The following PLA2G6 variants were observed in gnomAD, a reference collection of about 807,000 sequenced individuals.
PLA2G6 encodes the protein 85/88 kDa calcium-independent phospholipase A2.
Under a neutral mutation model 83.8 loss-of-function variants are expected in PLA2G6, and 62 were observed. The observed-to-expected ratio is 0.74, with a 90% confidence interval of 0.60 to 0.91. The LOEUF is 0.91. PLA2G6 is among the 40% of genes least tolerant of loss of function. The probability of loss-of-function intolerance (pLI) is 0.00; values close to 1 mark genes in which losing one functional copy is unlikely to be tolerated. For synonymous variants in PLA2G6, 417 were observed against 449.8 expected (o/e 0.93, Z 0.92); for missense variants, 944 against 1,102.0 (o/e 0.86, Z 2.03).
intron 15 of PLA2G6, chr22:38,112,974 A>C (rs2086974675): frequency 5.4e-6 from 2 of 370,086 alleles, no homozygotes; most frequent in Non-Finnish European, 1.0e-5. Context: ...TGGCATGATC[A>C]CAGCTCACTG....
At chr22:38,163,696 G>A (rs1326174190) in intron 2 of PLA2G6, 4 of 169,484 alleles carry the variant, frequency 2.4e-5, no homozygotes, top group East Asian at 1.9e-4. Flanking sequence ...CAAAGAGGCC[G>A]TGTCGGGGAC....
At position 38,133,286 on chromosome 22, in the gene PLA2G6, C is replaced by T. The variant is rs578098368; in HGVS notation, c.895-273G>A. 88 of 549,568 alleles carry T rather than the reference C, an allele frequency of 1.6e-4. No individual in the cohort carries two copies. In the East Asian group the frequency reaches 2.6e-3, roughly 16 times the overall value. The allele number at this position is 549,568 out of a possible 1,614,324, so 34.0% of individuals were successfully genotyped here. Reference sequence around the variant, plus strand: ...CCTTTCCTAGTGCCAACAGAACCCACTCTCCTTGCAAAGGCTCCTCTGGGG... The same window carrying T: ...CCTTTCCTAGTGCCAACAGAACCCATTCTCCTTGCAAAGGCTCCTCTGGGG... On this transcript the variant is annotated intron_variant, in intron 6 of 16. Coordinates refer to ENST00000332509, the MANE Select transcript of PLA2G6 (RefSeq NM_003560.4).
intron 1 of PLA2G6, among the ~76,000 whole-genome samples, chr22:38,172,775 C>G (rs2090484710): frequency 6.6e-6 from 1 of 152,214 alleles, no homozygotes; most frequent in Admixed American, 6.5e-5. Context: ...AGAAAGTCAC[C>G]AGGGGTGCAG....
chr22:38,154,595 G>C (rs1039967892), intron 2 of PLA2G6, among the ~76,000 whole-genome samples: 3 of 152,226 alleles, frequency 2.0e-5, no homozygotes, highest in Admixed American at 6.5e-5. Flanking sequence ...CAAAAACTTA[G>C]ATCACAATAC....
intron 11 of PLA2G6, among the ~76,000 whole-genome samples, chr22:38,121,607 C>G (rs376920767): frequency 4.9e-4 from 74 of 152,234 alleles, no homozygotes; most frequent in Admixed American, 8.5e-4. Flanking sequence ...AGTGAGTTCC[C>G]CAGGGCCAGG....
In PLA2G6 at chr22:38,132,528, G is replaced by A. The variant is rs1172654634; in HGVS notation, c.1077+303C>T. The A allele has an allele frequency of 1.4e-5, 7 of 512,520 alleles. No individual in the cohort carries two copies. Among genetic ancestry groups the A allele is most frequent in the Non-Finnish European group, 2.1e-5 (6 of 284,076 alleles). The allele number at this position is 512,520 out of a possible 1,614,324, so 31.7% of individuals were successfully genotyped here. A position where few individuals can be genotyped will look rare whatever the true frequency, so the allele number is the denominator to read the frequency against. On this transcript the variant is annotated intron_variant, in intron 7 of 16. Transcript: ENST00000332509. This position sits in a 1 kb window ranked among gnomAD's most constrained non-coding sequence, Gnocchi z 5.0. Reference sequence around the variant, plus strand: ...TCGAGGCTGACAGGTGACATGGCTTGCTCAGGGCCAGTCTATGGCCAGAGC... The same window carrying A: ...TCGAGGCTGACAGGTGACATGGCTTACTCAGGGCCAGTCTATGGCCAGAGC...
chr22:38,112,773 T>A, intron 15 of PLA2G6, 196 bp from the exon 16 acceptor site: 1 of 635,474 alleles, frequency 1.6e-6, no homozygotes. Context: ...AGCTGTGCAA[T>A]CAGAGGGGCA....
At chr22:38,114,315 G>A (rs1362861392) in intron 14 of PLA2G6, among the ~76,000 whole-genome samples, 1 of 152,074 alleles carries the variant, frequency 6.6e-6, no homozygotes, top group African/African-American at 2.4e-5. Context: ...CGAGTAGCTG[G>A]GACTACAGGC....
intron 2 of PLA2G6, among the ~76,000 whole-genome samples, chr22:38,168,677 C>T (rs1197549129): frequency 2.6e-5 from 4 of 152,166 alleles, no homozygotes; most frequent in Non-Finnish European, 5.9e-5. Context: ...TGATGAAACC[C>T]CGTCTCTGCT....
chr22:38,148,511 G>A (rs1387666615), intron 2 of PLA2G6: 2 of 717,068 alleles, frequency 2.8e-6, no homozygotes, highest in Non-Finnish European at 5.2e-6. Flanking sequence ...AAGGAATGAT[G>A]GAAACCCAGG....
chr22:38,127,444 G>A, intron 9 of PLA2G6: 1 of 1,332,078 alleles, frequency 7.5e-7, no homozygotes, highest in East Asian at 5.0e-5. Context: ...CATCCGGCCT[G>A]GCTTGGGTGA....
At chr22:38,126,536 T>G in intron 9 of PLA2G6, 87 bp from the exon 10 acceptor site, 1 of 976,916 alleles carries the variant, frequency 1.0e-6, no homozygotes, top group South Asian at 1.3e-5. Context: ...ACCTGGGCTG[T>G]GCCTCGCCCA....
chr22:38,157,274 T>C (rs1231937761), intron 2 of PLA2G6, among the ~76,000 whole-genome samples: 1 of 151,874 alleles, frequency 6.6e-6, no homozygotes, highest in Admixed American at 6.6e-5. Flanking sequence ...ACAAAAGAGA[T>C]ATTACAACCA....
chr22:38,179,140 T>G (rs909252398), intron 1 of PLA2G6, among the ~76,000 whole-genome samples: 4 of 152,130 alleles, frequency 2.6e-5, no homozygotes, highest in Admixed American at 1.3e-4. Flanking sequence ...GAAAGTCATA[T>G]GAATAGCTAG....
chr22:38,170,166 C>T lies in PLA2G6; in HGVS notation c.-45-695G>A, dbSNP rs184913103. Among the ~76,000 whole-genome samples the T allele has an allele frequency of 1.7e-4, 25 of 150,168 alleles. No homozygotes were observed. In the East Asian group the frequency reaches 4.9e-3, roughly 29 times the overall value. On this transcript the variant is annotated intron_variant, in intron 1 of 16. Transcript: ENST00000332509. ...TGAGCTGAGATCGCGCCACTGCACT[C>T]CAGCCTGGGCGATAGGGTGACTCTG...
intron 9 of PLA2G6, 107 bp from the exon 10 acceptor site, chr22:38,126,556 C>T: frequency 1.3e-6 from 1 of 766,502 alleles, no homozygotes; most frequent in Non-Finnish European, 2.3e-6. Flanking sequence ...ACGGCCACGC[C>T]CTCATCCCCC....
At chr22:38,154,816 T>G (rs1342001731) in intron 2 of PLA2G6, among the ~76,000 whole-genome samples, 1 of 152,212 alleles carries the variant, frequency 6.6e-6, no homozygotes, top group Non-Finnish European at 1.5e-5. Context: ...TATGTGACCT[T>G]TCAGACAGAG....
chr22:38,117,766 G>A (rs541031409), intron 12 of PLA2G6, among the ~76,000 whole-genome samples: 60 of 152,086 alleles, frequency 3.9e-4, no homozygotes, highest in South Asian at 2.1e-3. Flanking sequence ...GGCCGGGCAC[G>A]GTGGCTCACC....
intron 2 of PLA2G6, chr22:38,147,566 A>G (rs1282201237): frequency 1.3e-5 from 2 of 150,398 alleles, no homozygotes; most frequent in Non-Finnish European, 1.5e-5. Flanking sequence ...TTTGAGACAG[A>G]GTCTCACTCT....
Sources: allele counts gnomAD v4.1 joint callset (sites outside exome capture counted in the v4.1 genomes callset), GRCh38; gene constraint gnomAD v4.1.1; non-coding constraint Gnocchi (gnomAD v3.1); transcripts MANE v1.5; gene names NCBI Gene and HGNC (gene_info 2026-07-23, HGNC 2026-07-21).